The following TASP1 variants were observed in gnomAD, a reference collection of about 807,000 sequenced individuals.
TASP1 encodes threonine aspartase 1.
In TASP1, 16 loss-of-function variants were observed where a neutral mutation model predicts 56.6. That is an observed-to-expected ratio of 0.28 (90% confidence interval 0.19 to 0.43). TASP1 has a LOEUF of 0.43. Among genes scored for constraint, TASP1 ranks in the 20% least tolerant of loss-of-function variants. The pLI, the probability that TASP1 is intolerant of heterozygous loss-of-function variation, is 1.00. For synonymous variants in TASP1, 179 were observed against 184.2 expected (o/e 0.97, Z 0.23); for missense variants, 393 against 511.6 (o/e 0.77, Z 2.24).
chr20:13,160,542 C>G, the TASP1 span, among the ~76,000 whole-genome samples: 1 of 152,128 alleles, frequency 6.6e-6, no homozygotes. Context: ...GGAAAACCAA[C>G]AAGAACAAAT....
rs572211303 is a variant in TASP1 at position 13,583,460 on chromosome 20, G to A, written c.404-2479C>T. Among the ~76,000 whole-genome samples the A allele has an allele frequency of 7.9e-5, 12 of 152,216 alleles. No homozygotes were observed. In the East Asian group the frequency reaches 1.2e-3, roughly 15 times the overall value. ...CCCTAGGATACATTTTTGAGTTCTC[G>A]TCCCATGTTTATAGAGTTACTCTTC... On this transcript the variant is annotated intron_variant, in intron 5 of 13. Transcript: ENST00000337743.
chr20:13,143,974 T>A, the TASP1 span, among the ~76,000 whole-genome samples: 2 of 152,202 alleles, frequency 1.3e-5, no homozygotes, highest in African/African-American at 4.8e-5. Flanking sequence ...CTATACACTA[T>A]GAGCTTTGTC....
At chr20:13,123,764 C>T in the TASP1 span, among the ~76,000 whole-genome samples, 1 of 152,208 alleles carries the variant, frequency 6.6e-6, no homozygotes, top group African/African-American at 2.4e-5. Context: ...CAAATCTCCC[C>T]ATCCCTCATG....
At chr20:13,349,352 G>A in the TASP1 span, among the ~76,000 whole-genome samples, 1 of 152,176 alleles carries the variant, frequency 6.6e-6, no homozygotes, top group African/African-American at 2.4e-5. Flanking sequence ...GGGAGATCCT[G>A]GGTATGAAGT....
intron 5 of TASP1, among the ~76,000 whole-genome samples, chr20:13,582,114 T>C (rs1477639403): frequency 7.3e-6 from 1 of 136,966 alleles, no homozygotes; most frequent in Non-Finnish European, 1.6e-5. Flanking sequence ...ACAAAAAAAG[T>C]ATGAAATACA....
the TASP1 span, chr20:13,298,863 G>C: frequency 1.4e-6 from 2 of 1,445,128 alleles, no homozygotes; most frequent in Non-Finnish European, 1.9e-6. Flanking sequence ...GGAGCAGCCT[G>C]GTGTCACATG....
intron 4 of TASP1, among the ~76,000 whole-genome samples, chr20:13,620,532 A>T (rs999407262): frequency 1.3e-5 from 2 of 152,294 alleles, no homozygotes; most frequent in East Asian, 3.9e-4. Flanking sequence ...TAATAATATA[A>T]CGGGCAAGTT....
chr20:13,231,547 A>G, the TASP1 span, among the ~76,000 whole-genome samples: 29 of 152,012 alleles, frequency 1.9e-4, no homozygotes, highest in African/African-American at 6.8e-4. Flanking sequence ...TGAGGCATCA[A>G]CTCCCTGAGC....
the TASP1 span, among the ~76,000 whole-genome samples, chr20:13,182,355 T>G: frequency 6.6e-6 from 1 of 152,210 alleles, no homozygotes; most frequent in Admixed American, 6.5e-5. Context: ...TGCTCTCATA[T>G]ATTTTATTAT....
At chr20:13,168,061 C>T in the TASP1 span, 1 of 152,070 alleles carries the variant, frequency 6.6e-6, no homozygotes, top group African/African-American at 2.4e-5. Flanking sequence ...AAAATTGATC[C>T]AATATTGAAG....
chr20:13,542,983 G>A (rs1305298662), intron 8 of TASP1, among the ~76,000 whole-genome samples: 6 of 152,026 alleles, frequency 3.9e-5, no homozygotes, highest in African/African-American at 1.2e-4. Context: ...ATCAATGAAG[G>A]AGATAGATAT....
At chr20:13,314,940 G>A in the TASP1 span, among the ~76,000 whole-genome samples, 10 of 152,064 alleles carry the variant, frequency 6.6e-5, no homozygotes, top group Non-Finnish European at 1.3e-4. Context: ...CACTATCCAT[G>A]AAGTGGTACA....
chr20:13,340,713 A>G, the TASP1 span, among the ~76,000 whole-genome samples: 2 of 152,206 alleles, frequency 1.3e-5, no homozygotes, highest in Non-Finnish European at 2.9e-5. Flanking sequence ...AATATACAAT[A>G]AATTATTGCG....
chr20:13,214,562 C>CACACACACACAGAG, the TASP1 span, among the ~76,000 whole-genome samples: 2 of 111,302 alleles, frequency 1.8e-5, no homozygotes, highest in Admixed American at 9.3e-5. Flanking sequence ...CACACACACA[C>CACACACACACAGAG]AGAGAGAGAG....
the TASP1 span, among the ~76,000 whole-genome samples, chr20:13,335,642 TAAGAA>T: frequency 7.3e-4 from 111 of 151,450 alleles, no homozygotes; most frequent in African/African-American, 2.5e-3. Context: ...TGTTCTCAGA[TAAGAA>T]AAGATATTGT....
At chr20:13,227,741 C>T in the TASP1 span, among the ~76,000 whole-genome samples, 1 of 151,944 alleles carries the variant, frequency 6.6e-6, no homozygotes, top group Admixed American at 6.5e-5. Context: ...ATCTCCTGAC[C>T]TCATGATCCT....
the TASP1 span, among the ~76,000 whole-genome samples, chr20:13,345,418 A>G: frequency 6.6e-6 from 1 of 152,196 alleles, no homozygotes; most frequent in Non-Finnish European, 1.5e-5. Flanking sequence ...CTCGCAAGGC[A>G]ATGGAGAAGG....
At chr20:13,527,617 CACGCACACACACAT>C (rs2045032983) in intron 10 of TASP1, among the ~76,000 whole-genome samples, 1 of 152,004 alleles carries the variant, frequency 6.6e-6, no homozygotes, top group Non-Finnish European at 1.5e-5. Flanking sequence ...CACACGCACG[CACGCACACACACAT>C]ACGCACACAC....
chr20:13,166,281 G>C, the TASP1 span: 1 of 152,720 alleles, frequency 6.5e-6, no homozygotes, highest in East Asian at 1.9e-4. Context: ...AACTCCACCC[G>C]CAGCGCCTGC....
Sources: gnomAD v4.1 joint callset for allele counts (sites outside exome capture counted in the v4.1 genomes callset) on GRCh38, gnomAD v4.1.1 for gene constraint, MANE v1.5 for transcripts, NCBI Gene and HGNC (gene_info 2026-07-23, HGNC 2026-07-21) for gene names.